The following ARHGAP23 variants were observed in gnomAD, a reference collection of about 807,000 sequenced individuals.
ARHGAP23 encodes Rho GTPase activating protein 23.
ARHGAP23 carries 34 observed loss-of-function variants against 136.3 expected under a neutral mutation model. The ratio of observed to expected loss-of-function variants is 0.25; its 90% CI spans 0.19 to 0.33. ARHGAP23 has a LOEUF of 0.33. ARHGAP23 is among the 10% of genes least tolerant of loss of function. ARHGAP23 has a pLI of 1.00. For missense variants in ARHGAP23, 1,808 were observed against 2,139.0 expected, an observed-to-expected ratio of 0.85 and a Z score of 3.05; for synonymous variants, 832 against 920.5, an observed-to-expected ratio of 0.90 and a Z score of 1.74.
intron 14 of ARHGAP23, 31 bp from the exon 15 acceptor site, chr17:38,481,991 G>C (rs905411895): frequency 1.1e-5 from 16 of 1,498,072 alleles, no homozygotes; most frequent in Non-Finnish European, 1.4e-5. Context: ...GGATACCCCA[G>C]CTCACTCTGG....
At chr17:38,508,022 G>T (rs554680507) in intron 23 of ARHGAP23, among the ~76,000 whole-genome samples, 1 of 152,366 alleles carries the variant, frequency 6.6e-6, no homozygotes, top group Middle Eastern at 3.4e-3. Flanking sequence ...AAGGCTTCCT[G>T]TGTTAAGGGG....
Position 38,419,639 on chromosome 17 carries a change from A to G in ARHGAP23, n.120+240A>G, listed in dbSNP as rs2038499723. ...GAGTACTCCCTTATCACTGACACCT[A>G]GGAAGGCGTGTGCAGAGGGCACCTC... On this transcript the variant is annotated intron_variant and non_coding_transcript_variant, in intron 1 of 4. Transcript: ENST00000633445. Among the ~76,000 whole-genome samples the G allele has an allele frequency of 2.0e-5, 3 of 151,926 alleles. No individual in the cohort carries two copies. The South Asian group carries it at 6.2e-4, about 31-fold the overall frequency.
intron 1 of ARHGAP23, among the ~76,000 whole-genome samples, chr17:38,436,350 G>A (rs1165127629): frequency 6.6e-6 from 1 of 152,048 alleles, no homozygotes; most frequent in Non-Finnish European, 1.5e-5. Flanking sequence ...GACGGGATGT[G>A]GTCTGGGGAT....
At position 38,454,431 on chromosome 17, in the gene ARHGAP23, G is replaced by A. The variant is rs563631768; in HGVS notation, c.64-3671G>A. ...GGCAGTGGAAGGATGGAAGGGACCA[G>A]AGCGTTTGAAGAGACGCTGGGGCTT... On this transcript the variant is annotated intron_variant, in intron 1 of 23. Transcript: ENST00000622683. Among the ~76,000 whole-genome samples the A allele has an allele frequency of 2.0e-5, 3 of 152,296 alleles. No individual in the cohort carries two copies. In the South Asian group the frequency reaches 6.2e-4, roughly 32 times the overall value.
chr17:38,441,032 C>G (rs933549612), intron 1 of ARHGAP23, among the ~76,000 whole-genome samples: 9 of 152,246 alleles, frequency 5.9e-5, no homozygotes, highest in African/African-American at 2.2e-4. Context: ...GCTGCAGTGG[C>G]CACAGCGCAG....
chr17:38,494,357 G>T (rs569283443), intron 20 of ARHGAP23, among the ~76,000 whole-genome samples: 1 of 152,172 alleles, frequency 6.6e-6, no homozygotes. Flanking sequence ...CATCCTCTTC[G>T]TCGTGGTCAT....
upstream of ARHGAP23, among the ~76,000 whole-genome samples, chr17:38,426,550 C>CAAAAAAAAAAAAAAAAAAAAA (rs751365956): frequency 2.2e-3 from 112 of 51,174 alleles, 3 homozygotes; most frequent in East Asian, 6.7e-3. Flanking sequence ...AACTCCATCT[C>CAAAAAAAAAAAAAAAAAAAAA]AAAAAAAAAA....
At position 38,466,708 on chromosome 17, in the gene ARHGAP23, G is replaced by A; in HGVS notation, c.1025G>A (p.Gly342Asp). 1 of 1,533,896 alleles carries A rather than the reference G, an allele frequency of 6.5e-7. No individual in the cohort carries two copies. The change falls in exon 7 of 24, where the codon GGC becomes GAC. Residue 342 changes from glycine to aspartate, a missense_variant. Coordinates refer to ENST00000622683, the MANE Select transcript of ARHGAP23 (RefSeq NM_001199417.2). ...STSQDALSQL[G>D]QEGWHRARSD... ...TCCCAGGATGCTTTGAGCCAGCTGGGCCAGGAGGGCTGGCACCGAGCTCGC... is the reference window on the plus strand; with the variant it reads ...TCCCAGGATGCTTTGAGCCAGCTGGACCAGGAGGGCTGGCACCGAGCTCGC...
intron 3 of ARHGAP23, among the ~76,000 whole-genome samples, chr17:38,462,280 G>A (rs1177509777): frequency 9.9e-6 from 1 of 101,002 alleles, no homozygotes; most frequent in African/African-American, 4.0e-5. Context: ...TTGAGACAGT[G>A]TCTTACTTTG....
At chr17:38,437,866 T>C (rs11078990) in intron 1 of ARHGAP23, among the ~76,000 whole-genome samples, 44,379 of 151,796 alleles carry the variant, frequency 0.29, 6,676 homozygotes, top group South Asian at 0.34. Context: ...TCTCTGTGTC[T>C]TCTGTGATTC....
intron 23 of ARHGAP23, among the ~76,000 whole-genome samples, chr17:38,504,893 A>T (rs1597852430): frequency 7.5e-6 from 1 of 133,150 alleles, no homozygotes; most frequent in African/African-American, 2.8e-5. Context: ...CCCGGGTAGG[A>T]GTGTGGCCAG....
chr17:38,439,867 C>G (rs1420328210), intron 1 of ARHGAP23, among the ~76,000 whole-genome samples: 1 of 150,384 alleles, frequency 6.6e-6, no homozygotes, highest in Admixed American at 6.7e-5. Flanking sequence ...CTCCAACTCA[C>G]AGGTTCAAGC....
intron 2 of ARHGAP23, among the ~76,000 whole-genome samples, chr17:38,459,328 A>G (rs1377035483): frequency 6.6e-6 from 1 of 152,210 alleles, no homozygotes; most frequent in Non-Finnish European, 1.5e-5. Context: ...CTCTGTGTGC[A>G]TATAGTGTCT....
intron 10 of ARHGAP23, among the ~76,000 whole-genome samples, chr17:38,471,384 C>A (rs1339621191): frequency 1.3e-5 from 2 of 152,208 alleles, no homozygotes; most frequent in Non-Finnish European, 2.9e-5. Context: ...ACTTTTTCTG[C>A]TTACTTAACT....
At chr17:38,502,686 G>A (rs1391689537) in intron 23 of ARHGAP23, among the ~76,000 whole-genome samples, 1 of 152,344 alleles carries the variant, frequency 6.6e-6, no homozygotes, top group Admixed American at 6.5e-5. Context: ...TGAGAAGTCC[G>A]ATTGTGAAGA....
At position 38,510,820 on chromosome 17, in the gene ARHGAP23, A is replaced by C; in HGVS notation, c.4324A>C (p.Asn1442His). The change falls in exon 24 of 24, where the codon AAC becomes CAC. Residue 1442 changes from asparagine to histidine, a missense_variant. By Grantham distance (68) the Asn-to-His change is moderately conservative. Around this residue, in one of 7 missense-constraint regions of ARHGAP23, gnomAD observed 506 missense variants for 455.8 expected, o/e 1.11. Coordinates refer to ENST00000622683, the MANE Select transcript of ARHGAP23 (RefSeq NM_001199417.2). This position sits in a 1 kb window ranked among gnomAD's most constrained non-coding sequence, Gnocchi z 4.6. ...TGCGGGCGCGCGGGCGCACAGTGAC[A>C]ACAAGGACTCCGGACTCAGCAGCCT... The part of the protein sequence containing the change: ...EPAGARAHSD[N>H]KDSGLSSLES... 1 of 1,508,558 alleles carries C rather than the reference A, an allele frequency of 6.6e-7. No individual in the cohort carries two copies. Among genetic ancestry groups the C allele is most frequent in the Non-Finnish European group, 8.8e-7 (1 of 1,132,614 alleles). The allele number at this position is 1,508,558 out of a possible 1,614,324, so 93.4% of individuals were successfully genotyped here.
At chr17:38,453,005 G>A (rs1266578210) in intron 1 of ARHGAP23, among the ~76,000 whole-genome samples, 1 of 152,228 alleles carries the variant, frequency 6.6e-6, no homozygotes, top group East Asian at 1.9e-4. Flanking sequence ...TCTGTGCAGG[G>A]CAGTGTGTGT....
intron 20 of ARHGAP23, among the ~76,000 whole-genome samples, chr17:38,496,706 C>A (rs2040399746): frequency 6.6e-6 from 1 of 152,148 alleles, no homozygotes; most frequent in Admixed American, 6.6e-5. Context: ...GTAATCCCAG[C>A]ACTTTGGGAG....
intron 1 of ARHGAP23, among the ~76,000 whole-genome samples, chr17:38,445,792 G>C (rs1457521379): frequency 6.6e-6 from 1 of 151,754 alleles, no homozygotes; most frequent in Non-Finnish European, 1.5e-5. Context: ...ATGCTACCAC[G>C]CTCTGCTATT....
Sources: gnomAD v4.1 joint callset for allele counts (sites outside exome capture counted in the v4.1 genomes callset) on GRCh38, gnomAD v4.1.1 for gene constraint, gnomAD v4.1.1 regional missense constraint, Gnocchi (gnomAD v3.1) non-coding constraint, MANE v1.5 for transcripts, NCBI Gene and HGNC (gene_info 2026-07-23, HGNC 2026-07-21) for gene names.